Variants in GSG1L observed in about 807,000 individuals in gnomAD.
The protein encoded by GSG1L is GSG1 like.
A neutral mutation model predicts 42.1 loss-of-function variants in GSG1L; 24 were observed. The observed-to-expected ratio is 0.57, with a 90% CI of 0.41 to 0.80. The LOEUF (loss-of-function observed/expected upper bound fraction) is 0.80, where lower values mean the gene tolerates loss of function less well. Ranked by LOEUF, GSG1L falls within the 30% of genes least tolerant of loss-of-function variation. The pLI is 0.00. For missense variants in GSG1L, 445 were observed against 472.2 expected (o/e 0.94, Z 0.53); for synonymous variants, 215 against 203.5 (o/e 1.06, Z -0.48).
intron 1 of GSG1L, among the ~76,000 whole-genome samples, chr16:27,973,307 G>A (rs370808415): frequency 2.0e-5 from 3 of 151,606 alleles, no homozygotes; most frequent in African/African-American, 2.4e-5. Flanking sequence ...AAAATTACCC[G>A]GGCGTGGTTG....
intron 1 of GSG1L, among the ~76,000 whole-genome samples, chr16:28,001,428 C>G (rs1464599342): frequency 1.3e-5 from 2 of 152,206 alleles, no homozygotes; most frequent in African/African-American, 4.8e-5. Context: ...CAGCGTACAG[C>G]TTGATGGCAG....
At chr16:28,008,205 G>A (rs1030471915) in intron 1 of GSG1L, among the ~76,000 whole-genome samples, 5 of 151,878 alleles carry the variant, frequency 3.3e-5, no homozygotes, top group East Asian at 3.9e-4. Flanking sequence ...TCAGCCTCCC[G>A]AGTAGCTGGG....
rs983694123 is a variant in GSG1L, at chr16:27,789,387, A to G, written c.*1983T>C. 1 of 150,520 alleles carries G rather than the reference A, an allele frequency of 6.6e-6. No homozygotes were observed. The highest frequency in any genetic ancestry group is 1.5e-5 in the Non-Finnish European group (1 of 67,612). The allele number at this position is 150,520 out of a possible 1,614,324, so 9.3% of individuals were successfully genotyped here. On this transcript the variant is annotated 3_prime_UTR_variant, in exon 7 of 7. Coordinates refer to ENST00000447459, the MANE Select transcript of GSG1L (RefSeq NM_001109763.2). ...TGGTTGATGGATAATGGGCAGATGG[A>G]GGGATGAATGGATGAGTGGATGATG...
At chr16:28,019,915 C>T (rs946391878) in intron 1 of GSG1L, among the ~76,000 whole-genome samples, 5 of 152,214 alleles carry the variant, frequency 3.3e-5, no homozygotes, top group African/African-American at 1.2e-4. Flanking sequence ...TCAGCTGCTG[C>T]TCTATCATCA....
Position 27,987,983 on chromosome 16 carries a change from G to A in GSG1L, c.350-24780C>T, listed in dbSNP as rs185210737. Among the ~76,000 whole-genome samples the A allele has an allele frequency of 2.5e-4, 37 of 146,804 alleles. No individual in the cohort carries two copies. In the East Asian group the frequency reaches 3.8e-3, roughly 15 times the overall value. On this transcript the variant is annotated intron_variant, in intron 1 of 6. Coordinates refer to ENST00000447459, the MANE Select transcript of GSG1L (RefSeq NM_001109763.2). Reference sequence around the variant, plus strand: ...AAAAAAAAAACCGGAAAAGATAATCGTGTCATAGTTTCAAATTCCTTTCAG... The same window carrying A: ...AAAAAAAAAACCGGAAAAGATAATCATGTCATAGTTTCAAATTCCTTTCAG...
intron 3 of GSG1L, among the ~76,000 whole-genome samples, chr16:27,870,407 C>A (rs2083804195): frequency 6.6e-6 from 1 of 150,878 alleles, no homozygotes; most frequent in African/African-American, 2.5e-5. Context: ...CCCTCCATCT[C>A]TCTCTCCTTC....
intron 3 of GSG1L, among the ~76,000 whole-genome samples, chr16:27,870,248 T>C (rs2083799834): frequency 6.7e-6 from 1 of 149,090 alleles, no homozygotes. Context: ...CATCTCTCTC[T>C]GTCTCTGTCT....
intron 4 of GSG1L, among the ~76,000 whole-genome samples, chr16:27,834,895 T>C (rs2083307562): frequency 1.3e-5 from 2 of 152,188 alleles, no homozygotes; most frequent in Admixed American, 1.3e-4. Flanking sequence ...ATTCTATTAT[T>C]TTTTGTTTTC....
intron 2 of GSG1L, among the ~76,000 whole-genome samples, chr16:27,886,863 G>A (rs1433015675): frequency 6.6e-6 from 1 of 152,170 alleles, no homozygotes; most frequent in Non-Finnish European, 1.5e-5. Context: ...CATGACCCAA[G>A]TCTATTCAAT....
intron 2 of GSG1L, among the ~76,000 whole-genome samples, chr16:27,926,707 A>G (rs992517040): frequency 2.6e-5 from 4 of 152,154 alleles, no homozygotes; most frequent in Admixed American, 6.5e-5. Context: ...AAACAAACGA[A>G]AAAAAACCTT....
chr16:28,030,001 C>T (rs2085940794), intron 1 of GSG1L, among the ~76,000 whole-genome samples: 1 of 152,120 alleles, frequency 6.6e-6, no homozygotes, highest in Non-Finnish European at 1.5e-5. Context: ...GCTCCAACAA[C>T]CCTGAAGGAA....
chr16:27,925,077 C>T (rs1051455053), intron 2 of GSG1L, among the ~76,000 whole-genome samples: 1 of 152,102 alleles, frequency 6.6e-6, no homozygotes, highest in Admixed American at 6.5e-5. Flanking sequence ...GTAAACAGAA[C>T]CAAATTCCTT....
At chr16:27,913,419 C>T (rs2084414402) in intron 2 of GSG1L, among the ~76,000 whole-genome samples, 1 of 152,142 alleles carries the variant, frequency 6.6e-6, no homozygotes, top group Non-Finnish European at 1.5e-5. Context: ...TGGTGATTCG[C>T]TGCATTCTTA....
intron 2 of GSG1L, among the ~76,000 whole-genome samples, chr16:27,920,351 C>A (rs12920838): frequency 0.44 from 66,180 of 151,962 alleles, 14,963 homozygotes; most frequent in African/African-American, 0.55. Context: ...CTGAGTTGTC[C>A]GCACACCAGG....
At chr16:27,909,253 A>T (rs749693653) in intron 2 of GSG1L, among the ~76,000 whole-genome samples, 85 of 152,136 alleles carry the variant, frequency 5.6e-4, no homozygotes, top group Admixed American at 1.1e-3. Context: ...GGGCCCCAGA[A>T]GTCAGGACCC....
chr16:27,990,870 G>A (rs2085448192), intron 1 of GSG1L, among the ~76,000 whole-genome samples: 1 of 152,162 alleles, frequency 6.6e-6, no homozygotes, highest in Admixed American at 6.5e-5. Context: ...CAAATGGTAT[G>A]TAACAAACCT....
intron 6 of GSG1L, among the ~76,000 whole-genome samples, chr16:27,796,013 G>C (rs72780139): frequency 0.023 from 3,571 of 152,292 alleles, 73 homozygotes; most frequent in Non-Finnish European, 0.031. Context: ...CAAATGTACA[G>C]ATCGGGAAAC....
chr16:27,885,981 C>A (rs2084023446), intron 2 of GSG1L, among the ~76,000 whole-genome samples: 1 of 152,100 alleles, frequency 6.6e-6, no homozygotes, highest in African/African-American at 2.4e-5. Flanking sequence ...ATGCTTTTTG[C>A]CGGGAGAGAC....
intron 3 of GSG1L, among the ~76,000 whole-genome samples, chr16:27,851,878 G>A (rs1363444436): frequency 1.3e-5 from 2 of 152,152 alleles, no homozygotes; most frequent in African/African-American, 2.4e-5. Context: ...AGGTTCCTGC[G>A]CCTCCCTCGA....
Sources: gnomAD v4.1 joint callset for allele counts (sites outside exome capture counted in the v4.1 genomes callset) on GRCh38, gnomAD v4.1.1 for gene constraint, MANE v1.5 for transcripts, NCBI Gene and HGNC (gene_info 2026-07-23, HGNC 2026-07-21) for gene names.